The following NKD1 variants were observed in gnomAD, a reference collection of about 807,000 sequenced individuals.
NKD1 encodes NKD inhibitor of Wnt signaling pathway 1, also known as protein naked cuticle homolog 1.
A neutral mutation model predicts 56.0 loss-of-function variants in NKD1; 21 were observed. That is an observed-to-expected ratio of 0.38 (90% CI 0.27 to 0.54). The LOEUF (loss-of-function observed/expected upper bound fraction) is 0.54, where lower values mean the gene tolerates loss of function less well. Among genes scored for constraint, NKD1 ranks in the 20% least tolerant of loss-of-function variants. The pLI is 0.82. For missense variants in NKD1, 578 were observed against 642.7 expected, an observed-to-expected ratio of 0.90 and a Z score of 1.09; for synonymous variants, 263 against 265.7, an observed-to-expected ratio of 0.99 and a Z score of 0.10.
intron 3 of NKD1, among the ~76,000 whole-genome samples, chr16:50,590,731 C>T (rs1211979042): frequency 6.6e-6 from 1 of 152,222 alleles, no homozygotes; most frequent in Non-Finnish European, 1.5e-5. Flanking sequence ...CATGTGGGGG[C>T]ATGGTCTGGG....
intron 3 of NKD1, among the ~76,000 whole-genome samples, chr16:50,602,341 G>A (rs900630627): frequency 5.3e-5 from 8 of 152,196 alleles, no homozygotes; most frequent in African/African-American, 1.9e-4. Context: ...CTGTGCTCCA[G>A]GGAACTGTGA....
intron 3 of NKD1, among the ~76,000 whole-genome samples, chr16:50,578,967 T>A (rs1961047701): frequency 6.6e-6 from 1 of 152,180 alleles, no homozygotes; most frequent in East Asian, 1.9e-4. Context: ...TATGAGGGTC[T>A]AATAAGGCTG....
At chr16:50,594,956 C>T (rs1267885810) in intron 3 of NKD1, among the ~76,000 whole-genome samples, 1 of 152,212 alleles carries the variant, frequency 6.6e-6, no homozygotes, top group Non-Finnish European at 1.5e-5. Flanking sequence ...TTGAGAAGTC[C>T]ACGCAGCATT....
At chr16:50,618,505 G>C (rs1002101545) in intron 4 of NKD1, among the ~76,000 whole-genome samples, 1 of 152,228 alleles carries the variant, frequency 6.6e-6, no homozygotes, top group African/African-American at 2.4e-5. Flanking sequence ...GTGGTGGCTT[G>C]ACTTAGTTTA....
At chr16:50,564,034 T>G (rs532820242) in intron 3 of NKD1, among the ~76,000 whole-genome samples, 2 of 152,048 alleles carry the variant, frequency 1.3e-5, no homozygotes, top group Non-Finnish European at 2.9e-5. Context: ...GTCAAAGGAG[T>G]GCAAAGGAGT....
At chr16:50,596,135 G>A (rs570325498) in intron 3 of NKD1, among the ~76,000 whole-genome samples, 8 of 152,352 alleles carry the variant, frequency 5.3e-5, no homozygotes, top group African/African-American at 1.7e-4. Context: ...GCAGGCATGG[G>A]TGTGGCTGTG....
At position 50,641,467 on chromosome 16, in the gene NKD1, A is replaced by G. The variant is rs1014022719; in HGVS notation, c.*7686A>G. 4 of 152,202 alleles carry G rather than the reference A, an allele frequency of 2.6e-5. No individual in the cohort carries two copies. The highest frequency in any genetic ancestry group is 7.2e-5 in the African/African-American group (3 of 41,440). 9.4% of individuals were successfully genotyped at this position (152,202 alleles called of 1,614,324 possible). A position where few individuals can be genotyped will look rare whatever the true frequency, so the allele number is the denominator to read the frequency against. ...TTCAAAAATTTTTAATTAATTTCCA[A>G]AATCTGAGGGTTTCACCTAAAAACC... is the stretch of plus-strand genomic sequence containing the variant. On this transcript the variant is annotated 3_prime_UTR_variant, in exon 10 of 10. Coordinates refer to ENST00000268459, the MANE Select transcript of NKD1 (RefSeq NM_033119.5).
intron 7 of NKD1, among the ~76,000 whole-genome samples, 193 bp downstream of exon 7, chr16:50,630,526 A>G (rs1962320914): frequency 6.6e-6 from 1 of 151,954 alleles, no homozygotes; most frequent in Non-Finnish European, 1.5e-5. Flanking sequence ...TCTGGGTGAG[A>G]GGCCTCATAT....
At position 50,548,441 on chromosome 16, in the gene NKD1, T is replaced by G; in HGVS notation, c.-113T>G. On this transcript the variant is annotated 5_prime_UTR_variant, in exon 1 of 10. Transcript: ENST00000268459. ...GGCAGGAGCGCGTCCCGGCGCCGCC[T>G]CGGGCTCCGCTCGGCTCGGGGGCTG... 6.9e-6 allele frequency: 3 copies of G among 434,876 alleles called. No individual in the cohort carries two copies. The highest frequency in any genetic ancestry group is 6.2e-6 in the Non-Finnish European group (2 of 322,624). 26.9% of individuals were successfully genotyped at this position (434,876 alleles called of 1,614,324 possible). A position where few individuals can be genotyped will look rare whatever the true frequency, so the allele number is the denominator to read the frequency against.
chr16:50,557,189 G>A (rs1248385895), intron 3 of NKD1: 1 of 152,208 alleles, frequency 6.6e-6, no homozygotes, highest in Non-Finnish European at 1.5e-5. Context: ...TCATAAACAA[G>A]TTGTGCAATT....
In NKD1 at chr16:50,643,400, G is replaced by A. The variant is rs1459961409; in HGVS notation, c.*9619G>A. 6.6e-6 allele frequency: 1 copy of A among 152,218 alleles called. No homozygotes were observed. Among genetic ancestry groups the A allele is most frequent in the African/African-American group, 2.4e-5 (1 of 41,452 alleles). 9.4% of individuals were successfully genotyped at this position (152,218 alleles called of 1,614,324 possible). On this transcript the variant is annotated 3_prime_UTR_variant, in exon 10 of 10. Transcript: ENST00000268459. ...CAGGAGCCTGCTGGCATTGATACAGGTTGACAAAGACCAGTCCTACTCCGT... is the reference window on the plus strand; with the variant it reads ...CAGGAGCCTGCTGGCATTGATACAGATTGACAAAGACCAGTCCTACTCCGT...
At chr16:50,562,314 C>A in intron 3 of NKD1, 1 of 971,420 alleles carries the variant, frequency 1.0e-6, no homozygotes, top group Non-Finnish European at 1.2e-6. Flanking sequence ...CACTGTGTAT[C>A]TGCAGGTGCA....
At chr16:50,563,788 G>A (rs369229833) in intron 3 of NKD1, among the ~76,000 whole-genome samples, 1 of 138,536 alleles carries the variant, frequency 7.2e-6, no homozygotes, top group African/African-American at 2.8e-5. Flanking sequence ...AGCCCTGGAT[G>A]CATGGAGAAG....
Position 50,640,931 on chromosome 16 carries a change from T to G in NKD1, c.*7150T>G, listed in dbSNP as rs562496500. On this transcript the variant is annotated 3_prime_UTR_variant, in exon 10 of 10. Transcript: ENST00000268459. ...AGTGAAAGTTTGGTCAGCCACACAT[T>G]GTAGTAGGGCTAGAATTTTTCTTCC... 1 of 152,222 alleles carries G rather than the reference T, an allele frequency of 6.6e-6. No homozygotes were observed. Among genetic ancestry groups the G allele is most frequent in the Non-Finnish European group, 1.5e-5 (1 of 68,054 alleles). 9.4% of individuals were successfully genotyped at this position (152,222 alleles called of 1,614,324 possible).
chr16:50,593,665 C>CCA (rs1961416694), intron 3 of NKD1, among the ~76,000 whole-genome samples: 1 of 151,992 alleles, frequency 6.6e-6, no homozygotes, highest in South Asian at 2.1e-4. Flanking sequence ...ATCAGCCTGC[C>CCA]CACACCATGT....
Position 50,571,060 on chromosome 16 carries a change from G to C in NKD1, c.192+21505G>C, listed in dbSNP as rs948550209. On this transcript the variant is annotated intron_variant, in intron 3 of 9. Coordinates refer to ENST00000268459, the MANE Select transcript of NKD1 (RefSeq NM_033119.5). ...AGGCTGTGCTGGACATCTCCTCCCTGGGGCTGCCTTTGAAGGGAGAGCTGA... is the reference window on the plus strand; with the variant it reads ...AGGCTGTGCTGGACATCTCCTCCCTCGGGCTGCCTTTGAAGGGAGAGCTGA... The C allele has an allele frequency of 4.3e-6, 4 of 940,212 alleles. No homozygotes were observed. The African/African-American group carries it at 7.1e-5, about 17-fold the overall frequency. 58.2% of individuals were successfully genotyped at this position (940,212 alleles called of 1,614,324 possible).
rs1477334229 is a variant in NKD1 at position 50,638,083 on chromosome 16, C to G, written c.*4302C>G. 1 of 152,192 alleles carries G rather than the reference C, an allele frequency of 6.6e-6. No individual in the cohort carries two copies. Among genetic ancestry groups the G allele is most frequent in the Non-Finnish European group, 1.5e-5 (1 of 68,048 alleles). The allele number at this position is 152,192 out of a possible 1,614,324, so 9.4% of individuals were successfully genotyped here. On this transcript the variant is annotated 3_prime_UTR_variant, in exon 10 of 10. Transcript: ENST00000268459. ...CAGCCCCGTTTTCTCAGTGTTTAGA[C>G]CTCGAATTATTACTGGGCTAGAGGG...
chr16:50,593,436 A>G (rs1362507614), intron 3 of NKD1, among the ~76,000 whole-genome samples: 1 of 152,128 alleles, frequency 6.6e-6, no homozygotes, highest in Admixed American at 6.5e-5. Flanking sequence ...CATAGCTAGA[A>G]TTTCTCTGTG....
At chr16:50,559,276 T>C (rs1960571291) in intron 3 of NKD1, among the ~76,000 whole-genome samples, 1 of 152,184 alleles carries the variant, frequency 6.6e-6, no homozygotes, top group Admixed American at 6.6e-5. Flanking sequence ...GTGTGCTCAG[T>C]GTGGTACCAG....
Sources: gnomAD v4.1 joint callset for allele counts (sites outside exome capture counted in the v4.1 genomes callset) on GRCh38, gnomAD v4.1.1 for gene constraint, MANE v1.5 for transcripts, NCBI Gene and HGNC (gene_info 2026-07-23, HGNC 2026-07-21) for gene names.